CDC20B: variants seen among roughly 807,000 people sequenced by gnomAD.
CDC20B encodes cell division cycle protein 20 homolog B.
Under a neutral mutation model 64.1 loss-of-function variants are expected in CDC20B, and 58 were observed. That is an observed-to-expected ratio of 0.90 (90% CI 0.73 to 1.13). The LOEUF (loss-of-function observed/expected upper bound fraction) is 1.13, where lower values mean the gene tolerates loss of function less well. Among genes scored for constraint, CDC20B ranks in the 50% most tolerant of loss-of-function variants. CDC20B has a pLI of 0.00. For synonymous variants in CDC20B, 243 were observed against 230.6 expected (o/e 1.05, Z -0.49); for missense variants, 597 against 633.0 (o/e 0.94, Z 0.61).
chr5:55,159,519 A>G (rs1347788098), intron 2 of CDC20B, among the ~76,000 whole-genome samples: 1 of 152,182 alleles, frequency 6.6e-6, no homozygotes, highest in Non-Finnish European at 1.5e-5. Context: ...TAGAAATTTG[A>G]AAAACACTGG....
chr5:55,143,530 C>T lies in CDC20B; in HGVS notation c.469G>A (p.Val157Ile). 1.2e-6 allele frequency: 2 copies of T among 1,601,438 alleles called. No individual in the cohort carries two copies. Among genetic ancestry groups the T allele is most frequent in the Non-Finnish European group, 8.5e-7 (1 of 1,174,064 alleles). The change falls in exon 4 of 12, where the codon GTT (valine) becomes ATT (isoleucine). Residue 157 changes from valine to isoleucine, a missense_variant. Val to Ile is a conservative substitution (Grantham distance 29). Coordinates refer to ENST00000381375, the MANE Select transcript of CDC20B (RefSeq NM_001170402.1). ...HAMDRDWKES[V>I]ASKGQKCLKQ... ...TTACCTACCTGCCCTTTTGAGGCAA[C>T]ACTTTCTTTCCAGTCTCTGTCCATT...
chr5:55,156,642 G>A (rs779457314), intron 2 of CDC20B, among the ~76,000 whole-genome samples: 4 of 152,138 alleles, frequency 2.6e-5, no homozygotes, highest in Non-Finnish European at 4.4e-5. Flanking sequence ...TTGTGAGGCC[G>A]AGGCGGGCAG....
chr5:55,140,283 A>C, intron 5 of CDC20B, 31 bp downstream of exon 5: 1 of 1,364,798 alleles, frequency 7.3e-7, no homozygotes, highest in Non-Finnish European at 1.0e-6. Flanking sequence ...AGAGGAGCGC[A>C]GGAAAGAAGG....
chr5:55,121,877 T>G (rs1168289005), intron 9 of CDC20B, among the ~76,000 whole-genome samples: 1 of 152,250 alleles, frequency 6.6e-6, no homozygotes, highest in Non-Finnish European at 1.5e-5. Flanking sequence ...TTTTGCCATC[T>G]AAGCACCTAC....
In CDC20B at chr5:55,131,896, C is replaced by G. The variant is rs146416940; in HGVS notation, c.697+1516G>C. On this transcript the variant is annotated intron_variant, in intron 6 of 11. Coordinates refer to ENST00000381375, the MANE Select transcript of CDC20B (RefSeq NM_001170402.1). ...CCTGGCCAATATGGTGAAACTCCAT[C>G]TCTACTAAAAATACAAAAATTAGCC... Among the ~76,000 whole-genome samples the G allele has an allele frequency of 6.0e-3, 909 of 152,180 alleles. 9 individuals are homozygous for G. Among genetic ancestry groups the G allele is most frequent in the African/African-American group, 0.021 (855 of 41,518 alleles).
chr5:55,162,123 C>T (rs1308700904), intron 2 of CDC20B, among the ~76,000 whole-genome samples: 12 of 148,024 alleles, frequency 8.1e-5, no homozygotes, highest in South Asian at 2.1e-4. Context: ...AGGCCGGGCG[C>T]GGTGGCTCAC....
chr5:55,140,455 G>A (rs961182371), intron 4 of CDC20B, 48 bp from the exon 5 acceptor site: 6 of 1,262,016 alleles, frequency 4.8e-6, no homozygotes, highest in Admixed American at 3.6e-5. Context: ...AAACATACAT[G>A]TACAACTAAA....
intron 5 of CDC20B, chr5:55,137,078 G>A (rs1333448007): frequency 1.3e-5 from 2 of 153,884 alleles, no homozygotes; most frequent in Non-Finnish European, 1.4e-5. Flanking sequence ...ATCCCAAGCT[G>A]AGACAGGAGA....
chr5:55,118,132 A>G (rs1742667350), intron 11 of CDC20B, among the ~76,000 whole-genome samples: 1 of 152,130 alleles, frequency 6.6e-6, no homozygotes, highest in African/African-American at 2.4e-5. Flanking sequence ...AAAAATAAAT[A>G]AAAAGAAAAA....
intron 5 of CDC20B, among the ~76,000 whole-genome samples, chr5:55,138,493 T>G (rs944588059): frequency 2.0e-5 from 3 of 152,148 alleles, no homozygotes; most frequent in Non-Finnish European, 4.4e-5. Flanking sequence ...CCTGGTACTC[T>G]TTAACCTACG....
At chr5:55,134,580 G>A (rs901019893) in intron 5 of CDC20B, among the ~76,000 whole-genome samples, 2 of 152,034 alleles carry the variant, frequency 1.3e-5, no homozygotes, top group Non-Finnish European at 2.9e-5. Flanking sequence ...TGGGCAACAC[G>A]GTGAAACCCT....
At chr5:55,158,815 A>G (rs1185252549) in intron 2 of CDC20B, among the ~76,000 whole-genome samples, 4 of 152,194 alleles carry the variant, frequency 2.6e-5, no homozygotes, top group African/African-American at 9.6e-5. Flanking sequence ...CATGACCGTT[A>G]GCAACAGCAA....
chr5:55,158,792 T>C (rs62360413), intron 2 of CDC20B, among the ~76,000 whole-genome samples: 23,160 of 152,086 alleles, frequency 0.15, 1,845 homozygotes, highest in East Asian at 0.22. Flanking sequence ...TCCCCATACC[T>C]ACCCCTAAAA....
chr5:55,170,058 G>A (rs986644854), intron 2 of CDC20B, among the ~76,000 whole-genome samples: 1 of 152,066 alleles, frequency 6.6e-6, no homozygotes, highest in East Asian at 1.9e-4. Flanking sequence ...AGCTTGCAGT[G>A]AGCCGAGATC....
chr5:55,159,985 C>A, intron 2 of CDC20B: 1 of 531,940 alleles, frequency 1.9e-6, no homozygotes, highest in Non-Finnish European at 3.3e-6. Context: ...ATTATAATTA[C>A]ATCACAAATA....
rs979248047 is a variant in CDC20B, at chr5:55,160,967, G to A, written c.126+11621C>T. The A allele has an allele frequency of 8.2e-6, 13 of 1,582,506 alleles. No homozygotes were observed. In the African/African-American group the frequency reaches 9.6e-5, roughly 12 times the overall value. ...TTTAAAATCTTTTGCTTCACTTTCCGGTTGGATTTTTTTCTTTTTCCGGGA... is the reference window on the plus strand; with the variant it reads ...TTTAAAATCTTTTGCTTCACTTTCCAGTTGGATTTTTTTCTTTTTCCGGGA... On this transcript the variant is annotated intron_variant, in intron 2 of 11. Coordinates refer to ENST00000381375, the MANE Select transcript of CDC20B (RefSeq NM_001170402.1).
At chr5:55,156,994 A>G (rs1743827514) in intron 2 of CDC20B, among the ~76,000 whole-genome samples, 1 of 152,168 alleles carries the variant, frequency 6.6e-6, no homozygotes, top group African/African-American at 2.4e-5. Context: ...TTACAGTTGC[A>G]TGAGGCTGGC....
chr5:55,139,820 T>C (rs1300803117), intron 5 of CDC20B, among the ~76,000 whole-genome samples: 1 of 151,824 alleles, frequency 6.6e-6, no homozygotes, highest in African/African-American at 2.4e-5. Flanking sequence ...CGGCCAGGAG[T>C]TCGAGACCAG....
intron 2 of CDC20B, chr5:55,166,408 C>T (rs1040729995): frequency 6.6e-6 from 1 of 152,216 alleles, no homozygotes; most frequent in Non-Finnish European, 1.5e-5. Flanking sequence ...TGGATTTTCT[C>T]CCCTTGCCCT....
Sources: allele counts gnomAD v4.1 joint callset (sites outside exome capture counted in the v4.1 genomes callset), GRCh38; gene constraint gnomAD v4.1.1; transcripts MANE v1.5; gene names NCBI Gene and HGNC (gene_info 2026-07-23, HGNC 2026-07-21).